Variants in ENOX1 observed in about 807,000 individuals in gnomAD.
ENOX1 encodes the protein candidate growth-related and time keeping constitutive hydroquinone (NADH) oxidase.
ENOX1 carries 42 observed loss-of-function variants against 82.5 expected under a neutral mutation model. The ratio of observed to expected loss-of-function variants is 0.51; its 90% CI spans 0.40 to 0.66. ENOX1 has a LOEUF of 0.66. ENOX1 is among the 30% of genes least tolerant of loss of function. ENOX1 has a pLI of 0.00. For synonymous variants in ENOX1, 271 were observed against 282.2 expected, an observed-to-expected ratio of 0.96 and a Z score of 0.40; for missense variants, 608 against 811.6, an observed-to-expected ratio of 0.75 and a Z score of 3.05.
intron 1 of ENOX1, among the ~76,000 whole-genome samples, chr13:43,766,319 C>A (rs934417650): frequency 1.3e-5 from 2 of 152,186 alleles, no homozygotes; most frequent in Non-Finnish European, 2.9e-5. Flanking sequence ...TAGGTAACTG[C>A]GGACTGTATG....
intron 5 of ENOX1, among the ~76,000 whole-genome samples, chr13:43,364,202 GAC>G (rs1244650873): frequency 6.6e-6 from 1 of 152,166 alleles, no homozygotes; most frequent in Admixed American, 6.5e-5. Context: ...AATCGAGGAA[GAC>G]ACAAACACAG....
chr13:43,698,688 CA>C (rs1326306651), intron 1 of ENOX1, among the ~76,000 whole-genome samples: 1 of 152,046 alleles, frequency 6.6e-6, no homozygotes, highest in Non-Finnish European at 1.5e-5. Flanking sequence ...TAGAAACTTT[CA>C]ATCAACACTG....
At chr13:43,526,404 A>G (rs1285875549) in intron 2 of ENOX1, among the ~76,000 whole-genome samples, 1 of 152,160 alleles carries the variant, frequency 6.6e-6, no homozygotes, top group Non-Finnish European at 1.5e-5. Context: ...TTGAAAAACC[A>G]GGATGAAAAA....
intron 7 of ENOX1, among the ~76,000 whole-genome samples, chr13:43,356,656 C>G (rs564281921): frequency 6.6e-6 from 1 of 152,314 alleles, no homozygotes; most frequent in South Asian, 2.1e-4. Context: ...AGACACCTCA[C>G]TCACAGGTTA....
At chr13:43,287,463 G>T (rs1448769298) in intron 12 of ENOX1, among the ~76,000 whole-genome samples, 5 of 152,190 alleles carry the variant, frequency 3.3e-5, no homozygotes, top group African/African-American at 9.7e-5. Flanking sequence ...CCTTACTGAG[G>T]TTGGAGGCAC....
At chr13:43,777,859 A>G (rs1299344812) in intron 1 of ENOX1, among the ~76,000 whole-genome samples, 1 of 152,162 alleles carries the variant, frequency 6.6e-6, no homozygotes, top group African/African-American at 2.4e-5. Context: ...ATTATCCCGA[A>G]ATAAAATGTT....
In ENOX1 at chr13:43,572,052, T is replaced by C. The variant is rs549945609; in HGVS notation, c.-218-87900A>G. ...GAGGGCAACTTACTTATGAAGAGCATTTTCTGAGACAAAAATGAAGGTTGC... is the reference window on the plus strand; with the variant it reads ...GAGGGCAACTTACTTATGAAGAGCACTTTCTGAGACAAAAATGAAGGTTGC... On this transcript the variant is annotated intron_variant, in intron 2 of 16. Coordinates refer to ENST00000690772, the MANE Select transcript of ENOX1 (RefSeq NM_001347969.2). Among the ~76,000 whole-genome samples the C allele has an allele frequency of 9.2e-5, 14 of 152,136 alleles. No homozygotes were observed. The East Asian group carries it at 1.7e-3, about 19-fold the overall frequency.
chr13:43,691,698 C>CTT (rs567406882), intron 1 of ENOX1, among the ~76,000 whole-genome samples: 6 of 135,686 alleles, frequency 4.4e-5, no homozygotes, highest in Non-Finnish European at 6.4e-5. Context: ...AGCCCACAGA[C>CTT]TTTTTTTTTT....
chr13:43,478,061 T>G (rs1161504442), intron 3 of ENOX1, among the ~76,000 whole-genome samples: 7 of 149,370 alleles, frequency 4.7e-5, no homozygotes, highest in South Asian at 2.1e-4. Context: ...GAGGTTTTTT[T>G]TTTTTTTTTT....
At chr13:43,760,830 G>T (rs1950920061) in intron 1 of ENOX1, among the ~76,000 whole-genome samples, 1 of 142,998 alleles carries the variant, frequency 7.0e-6, no homozygotes. Flanking sequence ...TTTATTCCAG[G>T]ATCACAGATA....
intron 11 of ENOX1, among the ~76,000 whole-genome samples, chr13:43,302,474 C>T (rs1044852923): frequency 3.9e-5 from 6 of 152,022 alleles, no homozygotes; most frequent in African/African-American, 9.7e-5. Flanking sequence ...ATTCTGAATA[C>T]TGGAATTTTC....
At chr13:43,287,426 G>C (rs2045760197) in intron 12 of ENOX1, among the ~76,000 whole-genome samples, 1 of 152,202 alleles carries the variant, frequency 6.6e-6, no homozygotes, top group African/African-American at 2.4e-5. Context: ...ATGATCACAT[G>C]TGATGTATGA....
At chr13:43,783,292 A>G (rs1199485530) in intron 1 of ENOX1, among the ~76,000 whole-genome samples, 44 of 152,254 alleles carry the variant, frequency 2.9e-4, no homozygotes, top group Admixed American at 2.9e-3. Flanking sequence ...CTAGCCTAGC[A>G]TGTCAATGTT....
At chr13:43,589,216 GAAAAAA>G (rs58912569) in intron 2 of ENOX1, among the ~76,000 whole-genome samples, 6 of 79,768 alleles carry the variant, frequency 7.5e-5, no homozygotes, top group Non-Finnish European at 1.1e-4. Flanking sequence ...GACATTAATG[GAAAAAA>G]AAAAAAAAAA....
chr13:43,541,860 A>G (rs923814920), intron 2 of ENOX1, among the ~76,000 whole-genome samples: 1 of 152,194 alleles, frequency 6.6e-6, no homozygotes, highest in Non-Finnish European at 1.5e-5. Context: ...TCTCCAAAAT[A>G]AAAAGATAAA....
In ENOX1 at chr13:43,258,730, G is replaced by A. The variant is rs887094388; in HGVS notation, c.1611+6668C>T. Among the ~76,000 whole-genome samples, 5 of 152,100 alleles carry A rather than the reference G, an allele frequency of 3.3e-5. No homozygotes were observed. The South Asian group carries it at 8.3e-4, about 25-fold the overall frequency. Reference sequence around the variant, plus strand: ...TTCCAGTTGAGCTTTTCTGGAGGCCGTAAAGTTCTCTGTACCACTCATTGT... The same window carrying A: ...TTCCAGTTGAGCTTTTCTGGAGGCCATAAAGTTCTCTGTACCACTCATTGT... On this transcript the variant is annotated intron_variant, in intron 14 of 16. Coordinates refer to ENST00000690772, the MANE Select transcript of ENOX1 (RefSeq NM_001347969.2).
intron 2 of ENOX1, among the ~76,000 whole-genome samples, chr13:43,535,191 T>C (rs1402701001): frequency 2.6e-5 from 4 of 152,194 alleles, no homozygotes; most frequent in Non-Finnish European, 5.9e-5. Flanking sequence ...CTGCTATCAT[T>C]ATCATCATCA....
intron 1 of ENOX1, among the ~76,000 whole-genome samples, chr13:43,731,171 C>A (rs1391425514): frequency 3.3e-5 from 5 of 152,198 alleles, no homozygotes; most frequent in Non-Finnish European, 7.4e-5. Context: ...AGAACCCCTG[C>A]CAAATTCTAG....
chr13:43,723,837 A>T lies in ENOX1; in HGVS notation c.-284-56293T>A, dbSNP rs77809050. Among the ~76,000 whole-genome samples, 1,095 of 152,228 alleles carry T rather than the reference A, an allele frequency of 7.2e-3. 12 individuals are homozygous for T. The highest frequency in any genetic ancestry group is 0.025 in the African/African-American group (1,047 of 41,544). On this transcript the variant is annotated intron_variant, in intron 1 of 16. Transcript: ENST00000690772. ...TTGCACCAAACCTTTAAGCTGTAGA[A>T]AAAAAAGAAAATGAGACTCCAGAAT... is the stretch of plus-strand genomic sequence containing the variant.
Sources: allele counts gnomAD v4.1 joint callset (sites outside exome capture counted in the v4.1 genomes callset), GRCh38; gene constraint gnomAD v4.1.1; transcripts MANE v1.5; gene names NCBI Gene and HGNC (gene_info 2026-07-23, HGNC 2026-07-21).